GPSM1: variants seen among roughly 807,000 people sequenced by gnomAD.
The protein encoded by GPSM1 is G protein-signaling modulator 1.
In GPSM1, 48 loss-of-function variants were observed where a neutral mutation model predicts 70.5. That is an observed-to-expected ratio of 0.68 (90% CI 0.54 to 0.87). The LOEUF is 0.87. Among genes scored for constraint, GPSM1 ranks in the 40% least tolerant of loss-of-function variants. The pLI is 0.00. For missense variants in GPSM1, 981 were observed against 972.6 expected (o/e 1.01, Z -0.11); for synonymous variants, 416 against 430.1 (o/e 0.97, Z 0.41).
intron 5 of GPSM1, 123 bp downstream of exon 5, chr9:136,337,687 A>T: frequency 9.7e-7 from 1 of 1,032,324 alleles, no homozygotes; most frequent in Non-Finnish European, 1.5e-6. Context: ...CGCCCCACCG[A>T]GTCCTGGCCT....
At chr9:136,331,817 C>G (rs1295985321) in intron 1 of GPSM1, among the ~76,000 whole-genome samples, 1 of 152,018 alleles carries the variant, frequency 6.6e-6, no homozygotes, top group Non-Finnish European at 1.5e-5. Flanking sequence ...GTCCTTGATC[C>G]CTTGATCCAC....
rs1359538393 is a variant in GPSM1 at position 136,341,352 on chromosome 9, A to C, written c.1207+359A>C. 2 of 1,427,738 alleles carry C rather than the reference A, an allele frequency of 1.4e-6. No homozygotes were observed. Among genetic ancestry groups the C allele is most frequent in the African/African-American group, 3.0e-5 (2 of 66,540 alleles). The allele number at this position is 1,427,738 out of a possible 1,614,324, so 88.4% of individuals were successfully genotyped here. A position where few individuals can be genotyped will look rare whatever the true frequency, so the allele number is the denominator to read the frequency against. Reference sequence around the variant, plus strand: ...TAGGAGAGGGCTGCTGGGAGGCGAGAGGGCATCAGCCAGAGGGCTGGGCTG... The same window carrying C: ...TAGGAGAGGGCTGCTGGGAGGCGAGCGGGCATCAGCCAGAGGGCTGGGCTG... On this transcript the variant is annotated intron_variant, in intron 9 of 13. Coordinates refer to ENST00000440944, the MANE Select transcript of GPSM1 (RefSeq NM_001145638.3). This position sits in a 1 kb window ranked among gnomAD's most constrained non-coding sequence, Gnocchi z 6.7.
rs117444014 is a variant in GPSM1 at position 136,336,855 on chromosome 9, T to C, written c.427-66T>C. On this transcript the variant is annotated intron_variant, in intron 3 of 13. Transcript: ENST00000440944. ...GGCTGGGACAGTGAGGACACCGGTG[T>C]GCCGGCTCTGCACATCGTGTGGGGG... 1.2e-3 allele frequency: 1,775 copies of C among 1,459,694 alleles called. 44 individuals carry two copies. In the East Asian group the frequency reaches 0.039, roughly 32 times the overall value. The allele number at this position is 1,459,694 out of a possible 1,614,324, so 90.4% of individuals were successfully genotyped here.
chr9:136,335,503 C>T (rs1008777721), intron 2 of GPSM1, among the ~76,000 whole-genome samples: 18 of 152,156 alleles, frequency 1.2e-4, no homozygotes, highest in South Asian at 2.1e-4. Context: ...GCAACCCTCC[C>T]GCACTGGCCA....
At chr9:136,347,474 G>C (rs1832550459) in intron 9 of GPSM1, among the ~76,000 whole-genome samples, 1 of 152,154 alleles carries the variant, frequency 6.6e-6, no homozygotes. Flanking sequence ...GGTCCTCCCA[G>C]CTGCGAGAGT....
chr9:136,350,450 A>G lies in GPSM1; in HGVS notation c.1455+687A>G, dbSNP rs536966177. On this transcript the variant is annotated intron_variant, in intron 11 of 13. Coordinates refer to ENST00000440944, the MANE Select transcript of GPSM1 (RefSeq NM_001145638.3). Reference sequence around the variant, plus strand: ...GGTGGGAAGCCCCTAAGCCACACCCATGGTCAGGCCCTGGTGTGGAAGCAC... The same window carrying G: ...GGTGGGAAGCCCCTAAGCCACACCCGTGGTCAGGCCCTGGTGTGGAAGCAC... Among the ~76,000 whole-genome samples, 15 of 152,324 alleles carry G rather than the reference A, an allele frequency of 9.8e-5. 1 individual carries two copies. Among genetic ancestry groups the G allele is most frequent in the African/African-American group, 2.9e-4 (12 of 41,574 alleles).
At chr9:136,347,068 TG>T (rs1363631594) in intron 9 of GPSM1, among the ~76,000 whole-genome samples, 1 of 151,988 alleles carries the variant, frequency 6.6e-6, no homozygotes, top group Non-Finnish European at 1.5e-5. Flanking sequence ...AGGGGGTGTC[TG>T]GGCCTGCCCC....
At chr9:136,352,995 C>G (rs1832712998) in intron 11 of GPSM1, 6 of 694,814 alleles carry the variant, frequency 8.6e-6, no homozygotes, top group Non-Finnish European at 1.1e-5. Flanking sequence ...GAGCCCTTGC[C>G]CAGGGTCCTA....
chr9:136,348,342 C>T (rs373718733), intron 9 of GPSM1, among the ~76,000 whole-genome samples: 1 of 152,174 alleles, frequency 6.6e-6, no homozygotes, highest in Non-Finnish European at 1.5e-5. Flanking sequence ...TGACCAGGGG[C>T]CACAGGAAGG....
intron 1 of GPSM1, among the ~76,000 whole-genome samples, chr9:136,329,255 G>A (rs1426933869): frequency 6.6e-6 from 1 of 152,182 alleles, no homozygotes; most frequent in East Asian, 1.9e-4. Flanking sequence ...AGACTTGGGG[G>A]AAGCGCGCCA....
In GPSM1 at chr9:136,341,495, C is replaced by G; in HGVS notation, c.1207+502C>G. On this transcript the variant is annotated intron_variant, in intron 9 of 13. Transcript: ENST00000440944. The surrounding 1 kb of genome is among the most constrained non-coding windows in gnomAD (Gnocchi z 6.7). Reference sequence around the variant, plus strand: ...TTCATGGACCGCTGGTCGTCCCATGCCGGTCAGCAGTGCTGCAGACACAGG... The same window carrying G: ...TTCATGGACCGCTGGTCGTCCCATGGCGGTCAGCAGTGCTGCAGACACAGG... 1 of 1,259,600 alleles carries G rather than the reference C, an allele frequency of 7.9e-7. No homozygotes were observed. The highest frequency in any genetic ancestry group is 1.0e-6 in the Non-Finnish European group (1 of 998,020). 78.0% of individuals were successfully genotyped at this position (1,259,600 alleles called of 1,614,324 possible). A position where few individuals can be genotyped will look rare whatever the true frequency, so the allele number is the denominator to read the frequency against.
At chr9:136,334,391 C>A (rs1029720496) in intron 1 of GPSM1, 56 bp from the exon 2 acceptor site, 4 of 1,380,886 alleles carry the variant, frequency 2.9e-6, no homozygotes, top group African/African-American at 1.4e-5. Context: ...GGAGGTGCTC[C>A]GGCCCCGGGG....
At chr9:136,338,528 G>A (rs1554769678) in intron 6 of GPSM1, 27 bp from the exon 7 acceptor site, 3 of 1,593,482 alleles carry the variant, frequency 1.9e-6, no homozygotes, top group Non-Finnish European at 2.6e-6. Context: ...CCCTCCTCCT[G>A]GGGGCTGACC....
intron 11 of GPSM1, 96 bp downstream of exon 11, chr9:136,349,859 C>T (rs573817812): frequency 1.5e-5 from 18 of 1,211,008 alleles, no homozygotes; most frequent in South Asian, 3.1e-5. Context: ...AGGTCAGGCC[C>T]GGGCACTCCG....
In GPSM1 at chr9:136,327,782, GGGGCCGGGGCCGGGGCTGGGACCGGACC is replaced by G; in HGVS notation, c.68+28_68+55del. On this transcript the variant is annotated intron_variant, in intron 1 of 13. Coordinates refer to ENST00000440944, the MANE Select transcript of GPSM1 (RefSeq NM_001145638.3). ...ACTCCAGGTAGGACGGGCCGGGGCC[GGGGCCGGGGCCGGGGCTGGGACCGGACC>G]GGGCCGGGTCGGGACGCGGGGGAGG... The G allele has an allele frequency of 9.6e-7, 1 of 1,038,360 alleles. No homozygotes were observed. Among genetic ancestry groups the G allele is most frequent in the Non-Finnish European group, 1.2e-6 (1 of 825,852 alleles). The allele number at this position is 1,038,360 out of a possible 1,614,324, so 64.3% of individuals were successfully genotyped here. A position where few individuals can be genotyped will look rare whatever the true frequency, so the allele number is the denominator to read the frequency against.
At chr9:136,329,774 C>T (rs1282700676) in intron 1 of GPSM1, among the ~76,000 whole-genome samples, 1 of 152,132 alleles carries the variant, frequency 6.6e-6, no homozygotes, top group African/African-American at 2.4e-5. Flanking sequence ...ACTGGGTACC[C>T]TGAGGGGCCC....
At position 136,349,702 on chromosome 9, in the gene GPSM1, C is replaced by T. The variant is rs1054424289; in HGVS notation, c.1394C>T (p.Pro465Leu). ...GAAGGCCCGGACGCTGAGAGGAGGC[C>T]CCGGGAGGGCAGCCACTCCCCGCTG... is the stretch of plus-strand genomic sequence containing the variant. Reference protein sequence around the residue: ...YQEGPDAERRPREGSHSPLDS... With the variant: ...YQEGPDAERRLREGSHSPLDS... Residue 465 changes from proline to leucine, a missense_variant, in exon 11 of 14, where the codon CCC (proline) becomes CTC (leucine). Transcript: ENST00000440944. The T allele has an allele frequency of 5.1e-5, 80 of 1,567,236 alleles. No homozygotes were observed. Among genetic ancestry groups the T allele is most frequent in the Admixed American group, 9.5e-5 (5 of 52,680 alleles).
At chr9:136,349,873 AGGCAG>A in intron 11 of GPSM1, 110 bp downstream of exon 11, 8 of 1,062,854 alleles carry the variant, frequency 7.5e-6, no homozygotes, top group Non-Finnish European at 1.1e-5. Flanking sequence ...CACTCCGGGG[AGGCAG>A]GGGTCCCTCC....
In GPSM1 at chr9:136,356,459, G is replaced by A. The variant is rs782295639; in HGVS notation, c.1730G>A (p.Arg577Gln). Residue 577 changes from arginine (R) to glutamine (Q), a missense_variant, in exon 13 of 14, where the codon CGA becomes CAA. Coordinates refer to ENST00000440944, the MANE Select transcript of GPSM1 (RefSeq NM_001145638.3). ...RASVGSLPGLRITHSNAGHLR... is the reference protein window; with the variant it reads ...RASVGSLPGLQITHSNAGHLR... ...AGCGTGGGCAGCCTGCCGGGGCTGCGAATCACCCACAGCAATGCAGGGCAC... is the reference window on the plus strand; with the variant it reads ...AGCGTGGGCAGCCTGCCGGGGCTGCAAATCACCCACAGCAATGCAGGGCAC... 8 of 1,611,564 alleles carry A rather than the reference G, an allele frequency of 5.0e-6. No homozygotes were observed. Among genetic ancestry groups the A allele is most frequent in the South Asian group, 1.1e-5 (1 of 90,986 alleles).
Sources: allele counts gnomAD v4.1 joint callset (sites outside exome capture counted in the v4.1 genomes callset), GRCh38; gene constraint gnomAD v4.1.1; non-coding constraint Gnocchi (gnomAD v3.1); transcripts MANE v1.5; gene names NCBI Gene and HGNC (gene_info 2026-07-23, HGNC 2026-07-21).